Variants in MTHFSD observed in about 807,000 individuals in gnomAD.
MTHFSD encodes methenyltetrahydrofolate synthase domain-containing protein.
In MTHFSD, 37 loss-of-function variants were observed where a neutral mutation model predicts 31.1. The ratio of observed to expected loss-of-function variants is 1.19; its 90% CI spans 0.91 to 1.56. The LOEUF is 1.56. Ranked by LOEUF, MTHFSD falls within the 40% of genes most tolerant of loss-of-function variation. The probability of loss-of-function intolerance (pLI) is 0.00; values close to 1 mark genes in which losing one functional copy is unlikely to be tolerated. For missense variants in MTHFSD, 664 were observed against 510.1 expected (o/e 1.30, Z -2.91); for synonymous variants, 221 against 206.9 (o/e 1.07, Z -0.59).
intron 7 of MTHFSD, among the ~76,000 whole-genome samples, chr16:86,538,670 C>T (rs1415046470): frequency 2.0e-5 from 3 of 152,336 alleles, no homozygotes; most frequent in Admixed American, 6.5e-5. Context: ...AGACATCGCA[C>T]GACTGTCTCC....
intron 5 of MTHFSD, among the ~76,000 whole-genome samples, chr16:86,545,684 C>A (rs2143711166): frequency 6.6e-6 from 1 of 152,292 alleles, no homozygotes; most frequent in East Asian, 1.9e-4. Context: ...CCCCTCCCGT[C>A]GGTCCTGACT....
At chr16:86,548,394 T>A in intron 4 of MTHFSD, 70 bp downstream of exon 4, 4 of 1,212,922 alleles carry the variant, frequency 3.3e-6, no homozygotes, top group Non-Finnish European at 4.8e-6. Flanking sequence ...TGCTATCTTA[T>A]GCTAAGTCGT....
At chr16:86,541,866 C>T (rs773283416) in intron 6 of MTHFSD, 44 bp from the exon 7 acceptor site, 14 of 1,610,562 alleles carry the variant, frequency 8.7e-6, no homozygotes, top group Non-Finnish European at 1.2e-5. Flanking sequence ...GGGAATGCCA[C>T]TGCAGTCGTG....
chr16:86,546,530 A>G, intron 5 of MTHFSD, 29 bp downstream of exon 5: 5 of 1,598,840 alleles, frequency 3.1e-6, no homozygotes, highest in Non-Finnish European at 4.3e-6. Flanking sequence ...GAGCTGTCAC[A>G]CTCAAGGGTT....
At chr16:86,548,281 G>A (rs1972621119) in intron 4 of MTHFSD, among the ~76,000 whole-genome samples, 183 bp downstream of exon 4, 1 of 152,200 alleles carries the variant, frequency 6.6e-6, no homozygotes, top group Non-Finnish European at 1.5e-5. Context: ...AATAGAATCT[G>A]TTTACTCAGT....
chr16:86,548,706 C>G (rs1034386097), intron 3 of MTHFSD, 129 bp from the exon 4 acceptor site: 1 of 685,610 alleles, frequency 1.5e-6, no homozygotes, highest in East Asian at 3.0e-5. Context: ...TTGGTGTGTG[C>G]CAAGGAAATT....
At chr16:86,547,629 G>C (rs1027441952) in intron 4 of MTHFSD, 1 of 868,534 alleles carries the variant, frequency 1.2e-6, no homozygotes, top group African/African-American at 1.8e-5. Context: ...TTTCGTCTCA[G>C]TTTTCTATCT....
chr16:86,541,982 G>T (rs1597347526), intron 6 of MTHFSD, 119 bp downstream of exon 6: 7 of 1,336,616 alleles, frequency 5.2e-6, no homozygotes, highest in Non-Finnish European at 6.2e-6. Flanking sequence ...TCCAGCCCTG[G>T]CTGATCCACA....
In MTHFSD at chr16:86,555,178, G is replaced by T; in HGVS notation, c.7C>A (p.Pro3Thr). 3 of 1,537,172 alleles carry T rather than the reference G, an allele frequency of 2.0e-6. No homozygotes were observed. Among genetic ancestry groups the T allele is most frequent in the Middle Eastern group, 1.7e-4 (1 of 5,932 alleles). ME[P>T]RAVGVSKQDI... ...CCGCCAGGCCCCCCACCTGCCCTCG[G>T]CTCCATGGTGATGCAGTCGCTGTGC... The change falls in exon 1 of 8, where the codon CCG becomes ACG. Residue 3 changes from proline (P) to threonine (T), a missense_variant. Physicochemically the swap from Pro to Thr is conservative, Grantham distance 38. Transcript: ENST00000360900.
At chr16:86,546,729 G>C in intron 4 of MTHFSD, 80 bp from the exon 5 acceptor site, 1 of 1,230,248 alleles carries the variant, frequency 8.1e-7, no homozygotes, top group Non-Finnish European at 1.2e-6. Context: ...AGTGCACTCA[G>C]GGTTTGAATC....
chr16:86,533,438 G>T (rs948259530), intron 7 of MTHFSD: 2 of 152,042 alleles, frequency 1.3e-5, no homozygotes, highest in African/African-American at 4.8e-5. Flanking sequence ...TTTTTCTTTT[G>T]GGCACCAAGC....
At chr16:86,547,646 T>C in intron 4 of MTHFSD, 2 of 723,888 alleles carry the variant, frequency 2.8e-6, no homozygotes, top group Non-Finnish European at 3.4e-6. Context: ...ATCTTTCTTT[T>C]TCCTTTGCTC....
Position 86,532,310 on chromosome 16 carries a change from G to A in MTHFSD, c.853C>T (p.Pro285Ser). The change falls in exon 8 of 8, where the codon CCA (proline) becomes TCA (serine). Residue 285 changes from proline to serine, a missense_variant. Pro to Ser is a moderately conservative substitution (Grantham distance 74). Coordinates refer to ENST00000360900, the MANE Select transcript of MTHFSD (RefSeq NM_001159377.2). ...VGRRPPDTPG[P>S]ETNSMEAAPG... ...GCTGCCTCCATGGAATTGGTTTCTG[G>A]TCCGGGTGTGTCCGGGGGCCTCCTG... The A allele has an allele frequency of 6.3e-7, 1 of 1,586,728 alleles. No individual in the cohort carries two copies. The highest frequency in any genetic ancestry group is 1.7e-4 in the Middle Eastern group (1 of 5,936).
chr16:86,548,378 G>A (rs1567550429), intron 4 of MTHFSD, 86 bp downstream of exon 4: 1 of 1,095,742 alleles, frequency 9.1e-7, no homozygotes, highest in Admixed American at 2.1e-5. Context: ...AATTCCAACT[G>A]TGTGCTGCTA....
chr16:86,532,067 G>T lies in MTHFSD; in HGVS notation c.1096C>A (p.Arg366Ser). 1.3e-6 allele frequency: 2 copies of T among 1,520,926 alleles called. No individual in the cohort carries two copies. Among genetic ancestry groups the T allele is most frequent in the Non-Finnish European group, 1.8e-6 (2 of 1,135,344 alleles). The allele number at this position is 1,520,926 out of a possible 1,614,324, so 94.2% of individuals were successfully genotyped here. A position where few individuals can be genotyped will look rare whatever the true frequency, so the allele number is the denominator to read the frequency against. Residue 366 changes from arginine to serine, a missense_variant, in exon 8 of 8, where the codon CGC (arginine) becomes AGC (serine). Coordinates refer to ENST00000360900, the MANE Select transcript of MTHFSD (RefSeq NM_001159377.2). ...QQAVSCLQGL[R>S]LGTDTLRVAL... ...ACCCTCAGGGTGTCGGTGCCCAGGC[G>T]CAGGCCCTGCAAGCAGGAGACGGCC...
chr16:86,537,553 T>G (rs1970880560), intron 7 of MTHFSD, among the ~76,000 whole-genome samples: 1 of 152,196 alleles, frequency 6.6e-6, no homozygotes, highest in Admixed American at 6.5e-5. Flanking sequence ...AATGAAAGCC[T>G]CTCTCAGCTC....
chr16:86,544,226 T>G (rs1228910707), intron 5 of MTHFSD, among the ~76,000 whole-genome samples: 1 of 152,206 alleles, frequency 6.6e-6, no homozygotes, highest in Non-Finnish European at 1.5e-5. Flanking sequence ...TGCCAAAAAG[T>G]TGGGGACCAC....
intron 1 of MTHFSD, 199 bp downstream of exon 1, chr16:86,554,970 T>C (rs1973874955): frequency 2.3e-6 from 3 of 1,309,618 alleles, no homozygotes; most frequent in Non-Finnish European, 3.0e-6. Flanking sequence ...TTATTTTTCC[T>C]GACATCTTTC....
At chr16:86,532,943 A>G (rs3829534) in intron 7 of MTHFSD, 137,798 of 152,718 alleles carry the variant, frequency 0.9, 62,215 homozygotes, top group Middle Eastern at 0.91. Flanking sequence ...CCCTACCTGT[A>G]CCTTTGGGTG....
Sources: gnomAD v4.1 joint callset for allele counts (sites outside exome capture counted in the v4.1 genomes callset) on GRCh38, gnomAD v4.1.1 for gene constraint, MANE v1.5 for transcripts, NCBI Gene and HGNC (gene_info 2026-07-23, HGNC 2026-07-21) for gene names.